The following FEZ1 variants were observed in gnomAD, a reference collection of about 807,000 sequenced individuals.
The protein encoded by FEZ1 is fasciculation and elongation protein zeta 1.
FEZ1 carries 20 observed loss-of-function variants against 49.3 expected under a neutral mutation model. The ratio of observed to expected loss-of-function variants is 0.41; its 90% CI spans 0.29 to 0.59. The LOEUF is 0.59. Among genes scored for constraint, FEZ1 ranks in the 20% least tolerant of loss-of-function variants. FEZ1 has a pLI of 0.36. For synonymous variants in FEZ1, 170 were observed against 180.9 expected, an observed-to-expected ratio of 0.94 and a Z score of 0.48; for missense variants, 413 against 476.0, an observed-to-expected ratio of 0.87 and a Z score of 1.23.
intron 3 of FEZ1, among the ~76,000 whole-genome samples, chr11:125,478,617 A>C (rs1957253722): frequency 6.6e-6 from 1 of 152,198 alleles, no homozygotes; most frequent in African/African-American, 2.4e-5. Context: ...TAGGGCAGTT[A>C]ATAGAGCTCC....
Position 125,444,127 on chromosome 11 carries a change from A to C in FEZ1, c.*1968T>G, listed in dbSNP as rs1044004684. Among the ~76,000 whole-genome samples the C allele has an allele frequency of 7.7e-6, 1 of 129,644 alleles. No homozygotes were observed. Among genetic ancestry groups the C allele is most frequent in the Non-Finnish European group, 1.7e-5 (1 of 57,644 alleles). The allele number at this position is 129,644 out of a possible 152,430, so 85.1% of individuals were successfully genotyped here. ...TGAATCCATGCCCTTTTATCACAGG[A>C]CGAGTTGTCACTTCCATGCTCCTGT... On this transcript the variant is annotated 3_prime_UTR_variant, in exon 10 of 10. Transcript: ENST00000278919.
At chr11:125,466,450 C>T (rs1315442844) in intron 3 of FEZ1, among the ~76,000 whole-genome samples, 1 of 152,084 alleles carries the variant, frequency 6.6e-6, no homozygotes, top group Non-Finnish European at 1.5e-5. Context: ...GATTATGCCA[C>T]TGCACTCCAG....
chr11:125,445,948 G>C lies in FEZ1; in HGVS notation c.*147C>G, dbSNP rs1325716110. On this transcript the variant is annotated 3_prime_UTR_variant, in exon 10 of 10. Coordinates refer to ENST00000278919, the MANE Select transcript of FEZ1 (RefSeq NM_005103.5). This position sits in a 1 kb window ranked among gnomAD's most constrained non-coding sequence, Gnocchi z 4.4. ...CTAGCACTAGAAGCCAACGGCAAAGGACCCCGCGCGCTTGCTCGTGTTTAA... is the reference window on the plus strand; with the variant it reads ...CTAGCACTAGAAGCCAACGGCAAAGCACCCCGCGCGCTTGCTCGTGTTTAA... 3 of 816,966 alleles carry C rather than the reference G, an allele frequency of 3.7e-6. No homozygotes were observed. The highest frequency in any genetic ancestry group is 6.4e-6 in the Non-Finnish European group (3 of 466,218). The allele number at this position is 816,966 out of a possible 1,614,324, so 50.6% of individuals were successfully genotyped here.
At chr11:125,469,539 C>T (rs116621463) in intron 3 of FEZ1, among the ~76,000 whole-genome samples, 2,351 of 152,182 alleles carry the variant, frequency 0.015, 52 homozygotes, top group African/African-American at 0.05. Context: ...AGATTACAGG[C>T]GTGAGCTATC....
intron 1 of FEZ1, among the ~76,000 whole-genome samples, chr11:125,490,712 A>ATTT (rs1957373298): frequency 1.3e-5 from 2 of 151,914 alleles, no homozygotes; most frequent in Admixed American, 6.6e-5. Flanking sequence ...TATTTTTTTA[A>ATTT]AAAAACTAAT....
intron 8 of FEZ1, among the ~76,000 whole-genome samples, chr11:125,450,358 A>G (rs965209689): frequency 2.0e-5 from 3 of 152,184 alleles, no homozygotes; most frequent in Non-Finnish European, 4.4e-5. Flanking sequence ...ATTTTTAGAC[A>G]TGCCTTCATT....
At chr11:125,481,665 CA>C in intron 2 of FEZ1, 32 bp from the exon 3 acceptor site, 6 of 1,459,676 alleles carry the variant, frequency 4.1e-6, no homozygotes, top group Non-Finnish European at 5.8e-6. Context: ...CATTAACACA[CA>C]TCTGTGGCCT....
chr11:125,458,324 T>C (rs951501365), intron 5 of FEZ1, among the ~76,000 whole-genome samples: 1 of 152,214 alleles, frequency 6.6e-6, no homozygotes, highest in Admixed American at 6.5e-5. Context: ...GGGCATTTGA[T>C]ACCCTACGGC....
Position 125,456,116 on chromosome 11 carries a change from A to G in FEZ1, c.668-10T>C. ...GACATGTGCCTCAGCCCTGCAGGGG[A>G]AGACCGTCTCCCGCATAACACCTGC... On this transcript the variant is annotated splice_polypyrimidine_tract_variant and intron_variant, in intron 5 of 9. Transcript: ENST00000278919. 6.4e-7 allele frequency: 1 copy of G among 1,572,174 alleles called. No individual in the cohort carries two copies. Among genetic ancestry groups the G allele is most frequent in the Non-Finnish European group, 8.6e-7 (1 of 1,161,154 alleles).
rs76320304 is a variant in FEZ1 at position 125,471,481 on chromosome 11, T to C, written c.412-7911A>G. Among the ~76,000 whole-genome samples the C allele has an allele frequency of 3.3e-5, 5 of 151,286 alleles. No homozygotes were observed. The East Asian group carries it at 9.7e-4, about 29-fold the overall frequency. On this transcript the variant is annotated intron_variant, in intron 3 of 9. Transcript: ENST00000278919. Reference sequence around the variant, plus strand: ...ACACACACTTTGCAAACAGTATGCATAAGAAAGCTTAAGTGGCTACATTCA... The same window carrying C: ...ACACACACTTTGCAAACAGTATGCACAAGAAAGCTTAAGTGGCTACATTCA...
At chr11:125,475,183 T>C (rs1041283579) in intron 3 of FEZ1, among the ~76,000 whole-genome samples, 4 of 151,366 alleles carry the variant, frequency 2.6e-5, no homozygotes, top group African/African-American at 9.7e-5. Flanking sequence ...GGTGTGAAGA[T>C]TGCTTGAGTC....
In FEZ1 at chr11:125,442,981, C is replaced by T. The variant is rs1284086529; in HGVS notation, c.*3114G>A. Among the ~76,000 whole-genome samples, 1 of 152,060 alleles carries T rather than the reference C, an allele frequency of 6.6e-6. No homozygotes were observed. The highest frequency in any genetic ancestry group is 1.5e-5 in the Non-Finnish European group (1 of 67,998). On this transcript the variant is annotated 3_prime_UTR_variant, in exon 10 of 10. Transcript: ENST00000278919. ...AAACTCCTGACCTCAGGTGATCTGC[C>T]CACCTCGGCCTCCCAAAGTTCTGGG...
At chr11:125,467,444 C>CAT (rs1345454676) in intron 3 of FEZ1, among the ~76,000 whole-genome samples, 1 of 152,316 alleles carries the variant, frequency 6.6e-6, no homozygotes, top group East Asian at 1.9e-4. Flanking sequence ...GCAGCCAACA[C>CAT]ATATTTGTTG....
At chr11:125,469,674 T>C (rs1957166589) in intron 3 of FEZ1, among the ~76,000 whole-genome samples, 1 of 150,608 alleles carries the variant, frequency 6.6e-6, no homozygotes, top group Admixed American at 6.6e-5. Context: ...AGCGATTCTC[T>C]AGCCTCAGCC....
chr11:125,456,664 T>G (rs1257646710), intron 5 of FEZ1, among the ~76,000 whole-genome samples: 2 of 152,068 alleles, frequency 1.3e-5, no homozygotes, highest in African/African-American at 4.8e-5. Flanking sequence ...TGACTATGCA[T>G]GAAAAAATAA....
intron 1 of FEZ1, among the ~76,000 whole-genome samples, chr11:125,492,250 C>A (rs898835146): frequency 6.6e-6 from 1 of 152,184 alleles, no homozygotes. Context: ...CCGCAAGGGA[C>A]AACACAGCTC....
chr11:125,484,503 T>C (rs770388326), intron 2 of FEZ1, among the ~76,000 whole-genome samples: 3 of 152,154 alleles, frequency 2.0e-5, no homozygotes, highest in Non-Finnish European at 4.4e-5. Flanking sequence ...GTTTAGAAAC[T>C]GGCTCTGCGT....
chr11:125,478,777 T>A (rs900204572), intron 3 of FEZ1, among the ~76,000 whole-genome samples: 5 of 152,218 alleles, frequency 3.3e-5, no homozygotes, highest in African/African-American at 1.2e-4. Flanking sequence ...GTCATTCAGT[T>A]TGCCCTGAAA....
chr11:125,449,817 T>C (rs1181781584), intron 8 of FEZ1, among the ~76,000 whole-genome samples: 1 of 152,148 alleles, frequency 6.6e-6, no homozygotes, highest in African/African-American at 2.4e-5. Flanking sequence ...TTGACTAGTT[T>C]CAAGACAGGG....
Sources: gnomAD v4.1 joint callset for allele counts (sites outside exome capture counted in the v4.1 genomes callset) on GRCh38, gnomAD v4.1.1 for gene constraint, Gnocchi (gnomAD v3.1) non-coding constraint, MANE v1.5 for transcripts, NCBI Gene and HGNC (gene_info 2026-07-23, HGNC 2026-07-21) for gene names.